Variants in SLC24A2 observed in about 807,000 individuals in gnomAD.
SLC24A2 encodes solute carrier family 24 member 2.
Under a neutral mutation model 62.0 loss-of-function variants are expected in SLC24A2, and 36 were observed. The observed-to-expected ratio is 0.58, with a 90% CI of 0.44 to 0.77. The LOEUF (loss-of-function observed/expected upper bound fraction) is 0.77, where lower values mean the gene tolerates loss of function less well. Ranked by LOEUF, SLC24A2 falls within the 30% of genes least tolerant of loss-of-function variation. The pLI is 0.00. For synonymous variants in SLC24A2, 358 were observed against 294.0 expected (o/e 1.22, Z -2.23); for missense variants, 846 against 817.9 (o/e 1.03, Z -0.42).
the SLC24A2 span, among the ~76,000 whole-genome samples, chr9:20,075,738 C>T: frequency 1.3e-5 from 2 of 152,140 alleles, no homozygotes; most frequent in East Asian, 1.9e-4. Flanking sequence ...CCAAATATTC[C>T]CCTTTACTAG....
intron 2 of SLC24A2, among the ~76,000 whole-genome samples, chr9:19,761,518 C>T (rs2118853440): frequency 6.7e-6 from 1 of 149,842 alleles, no homozygotes; most frequent in Middle Eastern, 3.4e-3. Context: ...TTTTAGGGTA[C>T]ATGTGCACAA....
At chr9:19,581,309 C>T (rs1040491842) in intron 5 of SLC24A2, among the ~76,000 whole-genome samples, 1 of 152,190 alleles carries the variant, frequency 6.6e-6, no homozygotes, top group Admixed American at 6.5e-5. Context: ...GTTGATACCT[C>T]TGCAATCTTA....
At chr9:19,645,877 A>T (rs1013330141) in intron 2 of SLC24A2, among the ~76,000 whole-genome samples, 6 of 152,242 alleles carry the variant, frequency 3.9e-5, no homozygotes, top group African/African-American at 1.2e-4. Flanking sequence ...AAGGATCCCT[A>T]GAGAAGTGAC....
intron 4 of SLC24A2, among the ~76,000 whole-genome samples, chr9:19,614,188 T>C (rs1435588523): frequency 1.3e-5 from 2 of 152,228 alleles, no homozygotes; most frequent in African/African-American, 4.8e-5. Context: ...ACACTGAATT[T>C]ATTAGAAAGA....
the SLC24A2 span, among the ~76,000 whole-genome samples, chr9:20,141,261 T>A: frequency 6.6e-6 from 1 of 152,052 alleles, no homozygotes; most frequent in African/African-American, 2.4e-5. Context: ...CTTTCCTCTA[T>A]CTCTTCCATG....
At chr9:19,923,226 C>A in the SLC24A2 span, among the ~76,000 whole-genome samples, 2 of 152,104 alleles carry the variant, frequency 1.3e-5, no homozygotes, top group East Asian at 3.9e-4. Flanking sequence ...GAAAGATGTC[C>A]AAGGACACCC....
chr9:19,684,133 T>A (rs1228071126), intron 2 of SLC24A2, among the ~76,000 whole-genome samples: 1 of 152,294 alleles, frequency 6.6e-6, no homozygotes, highest in South Asian at 2.1e-4. Flanking sequence ...CTTTTCAGGA[T>A]GCCCCTGCAG....
the SLC24A2 span, among the ~76,000 whole-genome samples, chr9:20,240,377 G>C: frequency 1.3e-5 from 2 of 152,080 alleles, no homozygotes; most frequent in Admixed American, 6.5e-5. Flanking sequence ...GCTAAGTGCT[G>C]AGTGTTGGAG....
At chr9:20,047,671 G>A in the SLC24A2 span, among the ~76,000 whole-genome samples, 1 of 146,646 alleles carries the variant, frequency 6.8e-6, no homozygotes, top group Non-Finnish European at 1.5e-5. Flanking sequence ...CATTGTAAAT[G>A]TACATAGAGG....
At chr9:20,277,801 G>C in the SLC24A2 span, among the ~76,000 whole-genome samples, 1 of 152,172 alleles carries the variant, frequency 6.6e-6, no homozygotes, top group African/African-American at 2.4e-5. Context: ...GTTTACTGCA[G>C]CACTGTTCAC....
the SLC24A2 span, among the ~76,000 whole-genome samples, chr9:20,274,808 C>T: frequency 6.6e-6 from 1 of 152,118 alleles, no homozygotes; most frequent in South Asian, 2.1e-4. Flanking sequence ...AGAAACTCTG[C>T]CCTTGTCAGA....
In SLC24A2 at chr9:19,619,631, T is replaced by C; in HGVS notation, c.1031A>G (p.Asn344Ser). 6.2e-7 allele frequency: 1 copy of C among 1,614,086 alleles called. No homozygotes were observed. The highest frequency in any genetic ancestry group is 8.5e-7 in the Non-Finnish European group (1 of 1,179,934). The stretch of plus-strand genomic sequence containing the variant: ...GTGTATCATGAGTTGGAAGATGCTA[T>C]TCCTCATGAGACTGTTGTGGAGGGA... The part of the protein sequence containing the change: ...SASLHNSLMR[N>S]SIFQLMIHTL... Residue 344 changes from asparagine (N) to serine (S), a missense_variant, in exon 4 of 11, where the codon AAT becomes AGT. By Grantham distance (46) the Asn-to-Ser change is conservative. Coordinates refer to ENST00000341998, the MANE Select transcript of SLC24A2 (RefSeq NM_020344.4).
chr9:19,973,467 T>C, the SLC24A2 span, among the ~76,000 whole-genome samples: 5 of 152,316 alleles, frequency 3.3e-5, no homozygotes, highest in South Asian at 1.0e-3. Context: ...TAAAAGAAAA[T>C]CATGCTGTGA....
intron 5 of SLC24A2, among the ~76,000 whole-genome samples, chr9:19,578,261 C>T (rs113336097): frequency 1.3e-5 from 2 of 151,718 alleles, no homozygotes; most frequent in African/African-American, 4.8e-5. Context: ...TAGAAAATTG[C>T]CATTCTCAAA....
chr9:19,873,086 A>C, the SLC24A2 span, among the ~76,000 whole-genome samples: 2 of 152,178 alleles, frequency 1.3e-5, no homozygotes, highest in Non-Finnish European at 2.9e-5. Context: ...TTGAACTCAG[A>C]AAGTCTGAAG....
At chr9:20,267,701 C>A in the SLC24A2 span, among the ~76,000 whole-genome samples, 107 of 152,220 alleles carry the variant, frequency 7.0e-4, 1 homozygote, top group African/African-American at 1.9e-3. Flanking sequence ...TTGTACTTGG[C>A]GTATTGCAGG....
chr9:19,675,850 AC>A (rs1341467247), intron 2 of SLC24A2, among the ~76,000 whole-genome samples: 1 of 150,188 alleles, frequency 6.7e-6, no homozygotes, highest in East Asian at 2.0e-4. Flanking sequence ...CTCCCTATTC[AC>A]CCCCTCCCCT....
At chr9:19,979,258 G>T in the SLC24A2 span, among the ~76,000 whole-genome samples, 1 of 152,150 alleles carries the variant, frequency 6.6e-6, no homozygotes, top group Non-Finnish European at 1.5e-5. Context: ...GCAGGTTCTG[G>T]TTCAGTGTGT....
intron 5 of SLC24A2, among the ~76,000 whole-genome samples, chr9:19,589,161 G>C (rs965551786): frequency 4.6e-5 from 7 of 152,236 alleles, no homozygotes; most frequent in African/African-American, 1.7e-4. Flanking sequence ...AATGGCCAAA[G>C]AGGATATTCA....
Sources: allele counts gnomAD v4.1 joint callset (sites outside exome capture counted in the v4.1 genomes callset), GRCh38; gene constraint gnomAD v4.1.1; transcripts MANE v1.5; gene names NCBI Gene and HGNC (gene_info 2026-07-23, HGNC 2026-07-21).